Variants in SLC5A4 observed in about 807,000 individuals in gnomAD.
The protein encoded by SLC5A4 is probable glucose sensor protein SLC5A4.
SLC5A4 carries 55 observed loss-of-function variants against 70.3 expected under a neutral mutation model. The ratio of observed to expected loss-of-function variants is 0.78; its 90% CI spans 0.63 to 0.98. The LOEUF (loss-of-function observed/expected upper bound fraction) is 0.98, where lower values mean the gene tolerates loss of function less well. Among genes scored for constraint, SLC5A4 ranks in the 50% least tolerant of loss-of-function variants. The probability of loss-of-function intolerance (pLI) is 0.00; values close to 1 mark genes in which losing one functional copy is unlikely to be tolerated. For synonymous variants in SLC5A4, 268 were observed against 305.7 expected, an observed-to-expected ratio of 0.88 and a Z score of 1.29; for missense variants, 735 against 839.2, an observed-to-expected ratio of 0.88 and a Z score of 1.53.
intron 14 of SLC5A4, among the ~76,000 whole-genome samples, chr22:32,220,077 T>C (rs1924992377): frequency 6.6e-6 from 1 of 151,986 alleles, no homozygotes. Flanking sequence ...TATGGTATTA[T>C]TGGCAAAATA....
chr22:32,322,611 A>G, the SLC5A4 span, among the ~76,000 whole-genome samples: 1 of 151,984 alleles, frequency 6.6e-6, no homozygotes, highest in Non-Finnish European at 1.5e-5. Flanking sequence ...ATTGGAAAAA[A>G]AAAAAGAAAC....
At chr22:32,318,866 C>G in the SLC5A4 span, among the ~76,000 whole-genome samples, 1 of 152,186 alleles carries the variant, frequency 6.6e-6, no homozygotes, top group East Asian at 1.9e-4. Context: ...TCCACTCCAA[C>G]GGTAATGGTT....
intron 10 of SLC5A4, 36 bp from the exon 11 acceptor site, chr22:32,229,380 G>A (rs1462231300): frequency 6.2e-7 from 1 of 1,603,656 alleles, no homozygotes; most frequent in Non-Finnish European, 8.5e-7. Flanking sequence ...CTGGTTAGTG[G>A]CTGGACACTG....
chr22:32,219,079 A>G (rs1924897297), intron 14 of SLC5A4, among the ~76,000 whole-genome samples: 1 of 152,176 alleles, frequency 6.6e-6, no homozygotes. Context: ...CAGTTGAAAG[A>G]AAAAAGACAC....
intron 3 of SLC5A4, among the ~76,000 whole-genome samples, chr22:32,249,410 C>T (rs1231294740): frequency 7.9e-5 from 12 of 152,178 alleles, no homozygotes. Flanking sequence ...GCTCATCACA[C>T]CCACTTGGTC....
the SLC5A4 span, among the ~76,000 whole-genome samples, chr22:32,326,180 G>A: frequency 6.6e-6 from 1 of 152,188 alleles, no homozygotes; most frequent in Admixed American, 6.5e-5. Context: ...AGGTGAACTG[G>A]AGACAATGTG....
the SLC5A4 span, among the ~76,000 whole-genome samples, chr22:32,282,430 C>G: frequency 1.3e-5 from 2 of 151,244 alleles, no homozygotes; most frequent in Non-Finnish European, 2.9e-5. Context: ...CTCCCACCTT[C>G]TGGTAGTTCC....
the SLC5A4 span, among the ~76,000 whole-genome samples, chr22:32,333,273 T>C: frequency 0.012 from 1,843 of 150,240 alleles, 43 homozygotes; most frequent in African/African-American, 0.042. Context: ...TCTCTGACTG[T>C]GCTGGAAGTG....
At chr22:32,232,118 C>T (rs1203041597) in intron 9 of SLC5A4, among the ~76,000 whole-genome samples, 1 of 152,132 alleles carries the variant, frequency 6.6e-6, no homozygotes, top group Non-Finnish European at 1.5e-5. Flanking sequence ...GGGCCTCAAG[C>T]GATTCTCCTG....
intron 11 of SLC5A4, 35 bp downstream of exon 11, chr22:32,229,159 C>T (rs1925582364): frequency 1.2e-6 from 2 of 1,601,090 alleles, no homozygotes; most frequent in South Asian, 1.1e-5. Context: ...TGTACTTCTC[C>T]AGAGGATTCT....
chr22:32,272,297 G>A, the SLC5A4 span: 3 of 813,240 alleles, frequency 3.7e-6, no homozygotes, highest in Non-Finnish European at 6.6e-6. Flanking sequence ...TTTACGAGAA[G>A]GAGCAGAAGG....
At chr22:32,286,745 T>A in the SLC5A4 span, among the ~76,000 whole-genome samples, 1 of 152,248 alleles carries the variant, frequency 6.6e-6, no homozygotes, top group African/African-American at 2.4e-5. Flanking sequence ...AAGGCTATTG[T>A]AAGCATATCT....
the SLC5A4 span, among the ~76,000 whole-genome samples, chr22:32,308,716 T>C: frequency 1.3e-5 from 2 of 152,056 alleles, no homozygotes; most frequent in Admixed American, 6.5e-5. Flanking sequence ...TGCTGCTTTC[T>C]AGAGCATTGG....
the SLC5A4 span, among the ~76,000 whole-genome samples, chr22:32,316,934 C>CTG: frequency 0.061 from 9,138 of 148,586 alleles, 333 homozygotes; most frequent in African/African-American, 0.1. Flanking sequence ...ATTAACAACT[C>CTG]TGTGTGTGTG....
chr22:32,354,736 G>C, the SLC5A4 span: 1 of 152,050 alleles, frequency 6.6e-6, no homozygotes, highest in Non-Finnish European at 1.5e-5. Flanking sequence ...CATCCAACCA[G>C]CCTCCTAACA....
At chr22:32,287,077 T>A in the SLC5A4 span, among the ~76,000 whole-genome samples, 7 of 151,954 alleles carry the variant, frequency 4.6e-5, no homozygotes, top group East Asian at 1.4e-3. Flanking sequence ...TTTGGGGGAG[T>A]TACGGTACAG....
At chr22:32,312,425 C>T in the SLC5A4 span, among the ~76,000 whole-genome samples, 1 of 152,000 alleles carries the variant, frequency 6.6e-6, no homozygotes, top group African/African-American at 2.4e-5. Context: ...CCCAAGGGGC[C>T]GCTATTGGAG....
the SLC5A4 span, among the ~76,000 whole-genome samples, chr22:32,333,810 A>AT: frequency 1.3e-5 from 2 of 150,570 alleles, no homozygotes; most frequent in South Asian, 4.2e-4. Flanking sequence ...GATCCACACA[A>AT]TATCACACAC....
the SLC5A4 span, among the ~76,000 whole-genome samples, chr22:32,329,510 G>GGT: frequency 1.3e-5 from 2 of 148,344 alleles, no homozygotes; most frequent in African/African-American, 2.5e-5. Context: ...AGGCAGTGGG[G>GGT]GTGTGTGTGT....
Sources: allele counts gnomAD v4.1 joint callset (sites outside exome capture counted in the v4.1 genomes callset), GRCh38; gene constraint gnomAD v4.1.1; transcripts MANE v1.5; gene names NCBI Gene and HGNC (gene_info 2026-07-23, HGNC 2026-07-21).